Variants in ST18 observed in about 807,000 individuals in gnomAD.
The protein encoded by ST18 is suppression of tumorigenicity 18 protein.
ST18 carries 50 observed loss-of-function variants against 110.0 expected under a neutral mutation model. The observed-to-expected ratio is 0.45, with a 90% CI of 0.36 to 0.58. The LOEUF is 0.58. Ranked by LOEUF, ST18 falls within the 20% of genes least tolerant of loss-of-function variation. The probability of loss-of-function intolerance (pLI) is 0.00; values close to 1 mark genes in which losing one functional copy is unlikely to be tolerated. For missense variants in ST18, 1,306 were observed against 1,280.1 expected, an observed-to-expected ratio of 1.02 and a Z score of -0.31; for synonymous variants, 461 against 452.4, an observed-to-expected ratio of 1.02 and a Z score of -0.24.
chr8:52,170,221 A>G (rs1413422924), intron 10 of ST18, among the ~76,000 whole-genome samples: 2 of 152,164 alleles, frequency 1.3e-5, no homozygotes, highest in Non-Finnish European at 2.9e-5. Context: ...TAATCCCAGC[A>G]CTTTGGGAGG....
At chr8:52,354,763 G>A (rs1052830360) in intron 2 of ST18, among the ~76,000 whole-genome samples, 17 of 152,166 alleles carry the variant, frequency 1.1e-4, no homozygotes, top group African/African-American at 3.9e-4. Context: ...TAATGAAGAA[G>A]TTGAGCAAGA....
intron 2 of ST18, among the ~76,000 whole-genome samples, chr8:52,349,865 A>G (rs7463399): frequency 0.97 from 148,292 of 152,156 alleles, 72,368 homozygotes; most frequent in Middle Eastern, 1. Flanking sequence ...GCAAGGAGGG[A>G]GAGTAGGGGG....
At chr8:52,228,228 C>T (rs947590276) in intron 3 of ST18, among the ~76,000 whole-genome samples, 7 of 152,054 alleles carry the variant, frequency 4.6e-5, no homozygotes, top group African/African-American at 1.7e-4. Context: ...GTCTCATTTA[C>T]ATGAAAAGTT....
At chr8:52,327,650 T>C (rs1043691742) in intron 2 of ST18, among the ~76,000 whole-genome samples, 1 of 152,190 alleles carries the variant, frequency 6.6e-6, no homozygotes, top group African/African-American at 2.4e-5. Flanking sequence ...TCACTTGCAA[T>C]TGACCAGTAA....
At chr8:52,217,054 C>T (rs1387478969) in intron 6 of ST18, among the ~76,000 whole-genome samples, 1 of 152,088 alleles carries the variant, frequency 6.6e-6, no homozygotes, top group Non-Finnish European at 1.5e-5. Flanking sequence ...TGTTTTCTTC[C>T]CCCTGGAAAA....
intron 2 of ST18, among the ~76,000 whole-genome samples, chr8:52,345,846 C>T (rs1370145846): frequency 1.3e-5 from 2 of 152,176 alleles, no homozygotes; most frequent in Non-Finnish European, 2.9e-5. Context: ...CCCTTCTCTA[C>T]TCTGCCCAGA....
At chr8:52,269,655 C>G (rs1333449320) in intron 2 of ST18, among the ~76,000 whole-genome samples, 2 of 151,990 alleles carry the variant, frequency 1.3e-5, no homozygotes, top group East Asian at 3.9e-4. Context: ...GTTTGAGTGC[C>G]AGGAGGAGAG....
intron 2 of ST18, among the ~76,000 whole-genome samples, chr8:52,271,882 G>C (rs2095087555): frequency 6.6e-6 from 1 of 152,182 alleles, no homozygotes; most frequent in African/African-American, 2.4e-5. Context: ...CTTCTTAAAG[G>C]CTAAACTTAG....
intron 2 of ST18, among the ~76,000 whole-genome samples, chr8:52,234,596 C>T (rs2092300835): frequency 6.6e-6 from 1 of 152,066 alleles, no homozygotes; most frequent in African/African-American, 2.4e-5. Flanking sequence ...TGGGTATCTA[C>T]CCAGAGGAAA....
chr8:52,121,504 A>C (rs749486334), intron 23 of ST18, among the ~76,000 whole-genome samples: 1 of 152,170 alleles, frequency 6.6e-6, no homozygotes, highest in Non-Finnish European at 1.5e-5. Context: ...CCATGCACAC[A>C]GTCTCTAAGA....
At chr8:52,215,308 C>T (rs997335989) in intron 6 of ST18, among the ~76,000 whole-genome samples, 1 of 152,116 alleles carries the variant, frequency 6.6e-6, no homozygotes, top group African/African-American at 2.4e-5. Context: ...ATGTGCCACA[C>T]TTTTACTGCC....
At chr8:52,234,192 T>C (rs900894963) in intron 2 of ST18, among the ~76,000 whole-genome samples, 40 of 152,216 alleles carry the variant, frequency 2.6e-4, no homozygotes, top group African/African-American at 9.6e-4. Context: ...ATCTAATTTA[T>C]ACCAGGTGCT....
chr8:52,190,439 A>G (rs896181372), intron 8 of ST18, among the ~76,000 whole-genome samples: 4 of 152,126 alleles, frequency 2.6e-5, no homozygotes, highest in African/African-American at 9.7e-5. Flanking sequence ...TGTGGACCCT[A>G]CAAGACTGAT....
At position 52,259,060 on chromosome 8, in the gene ST18, G is replaced by A. The variant is rs897832496; in HGVS notation, c.-464-28983C>T. Among the ~76,000 whole-genome samples, 4 of 152,312 alleles carry A rather than the reference G, an allele frequency of 2.6e-5. No individual in the cohort carries two copies. The East Asian group carries it at 7.7e-4, about 29-fold the overall frequency. On this transcript the variant is annotated intron_variant, in intron 2 of 25. Coordinates refer to ENST00000689386, the MANE Select transcript of ST18 (RefSeq NM_001352837.2). ...TCCCTCTAAAACCTGCTGAGACACA[G>A]CTAGAAGAGCCTGACACAGGGCATT... is the stretch of plus-strand genomic sequence containing the variant.
intron 2 of ST18, among the ~76,000 whole-genome samples, chr8:52,324,301 TGATGGATGGATGGATGGATGGATG>T (rs201977608): frequency 4.9e-4 from 74 of 150,830 alleles, no homozygotes; most frequent in Middle Eastern, 3.2e-3. Flanking sequence ...GGTTGATAGA[TGATGGATGGATGGATGGATGGATG>T]GATGGATGGA....
At chr8:52,140,444 G>A (rs137870832) in intron 17 of ST18, among the ~76,000 whole-genome samples, 1 of 151,960 alleles carries the variant, frequency 6.6e-6, no homozygotes, top group Non-Finnish European at 1.5e-5. Context: ...GTGGGAGATT[G>A]AACTGGGAGG....
At chr8:52,370,752 C>A (rs975947785) in intron 2 of ST18, among the ~76,000 whole-genome samples, 1 of 152,080 alleles carries the variant, frequency 6.6e-6, no homozygotes, top group Non-Finnish European at 1.5e-5. Context: ...TCACCCCTTG[C>A]CTTCAGGGGC....
intron 2 of ST18, among the ~76,000 whole-genome samples, chr8:52,233,636 C>T (rs1027148037): frequency 2.0e-5 from 3 of 152,090 alleles, no homozygotes; most frequent in South Asian, 2.1e-4. Context: ...TTGTCTCCCA[C>T]GACCAATGAG....
chr8:52,374,844 C>A (rs1831622596), intron 2 of ST18, among the ~76,000 whole-genome samples: 1 of 152,182 alleles, frequency 6.6e-6, no homozygotes, highest in African/African-American at 2.4e-5. Flanking sequence ...TCATCCATAT[C>A]CCTGCAAAGG....
Sources: allele counts gnomAD v4.1 joint callset (sites outside exome capture counted in the v4.1 genomes callset), GRCh38; gene constraint gnomAD v4.1.1; transcripts MANE v1.5; gene names NCBI Gene and HGNC (gene_info 2026-07-23, HGNC 2026-07-21).